The following MAST2 variants were observed in gnomAD, a reference collection of about 807,000 sequenced individuals.
The protein encoded by MAST2 is microtubule-associated serine/threonine-protein kinase 2.
A neutral mutation model predicts 147.4 loss-of-function variants in MAST2; 70 were observed. The ratio of observed to expected loss-of-function variants is 0.47; its 90% confidence interval spans 0.39 to 0.58. The LOEUF is 0.58. MAST2 is among the 20% of genes least tolerant of loss of function. The pLI, the probability that MAST2 is intolerant of heterozygous loss-of-function variation, is 0.00. For synonymous variants in MAST2, 869 were observed against 896.8 expected (o/e 0.97, Z 0.55); for missense variants, 2,080 against 2,302.3 (o/e 0.90, Z 1.98).
chr1:45,911,907 C>T (rs1157103216), intron 4 of MAST2, among the ~76,000 whole-genome samples: 3 of 140,830 alleles, frequency 2.1e-5, no homozygotes, highest in Admixed American at 7.2e-5. Flanking sequence ...ATTATGTAGC[C>T]TGGTCTCGGG....
chr1:45,859,047 G>A (rs1645890501), intron 3 of MAST2, among the ~76,000 whole-genome samples: 1 of 152,170 alleles, frequency 6.6e-6, no homozygotes, highest in Non-Finnish European at 1.5e-5. Flanking sequence ...GTAGCATAAT[G>A]CCTCCAGCTT....
chr1:45,806,927 C>G (rs187680932), intron 1 of MAST2, among the ~76,000 whole-genome samples: 12 of 152,196 alleles, frequency 7.9e-5, no homozygotes, highest in African/African-American at 1.2e-4. Flanking sequence ...AGGCTAGCCT[C>G]GAACTCCTGG....
chr1:45,946,332 A>C (rs1658018453), intron 4 of MAST2, among the ~76,000 whole-genome samples: 1 of 152,148 alleles, frequency 6.6e-6, no homozygotes, highest in Non-Finnish European at 1.5e-5. Flanking sequence ...CCTCATCTTG[A>C]GACTGGGGAT....
chr1:45,847,742 T>A (rs1490266757), intron 3 of MAST2: 2 of 248,032 alleles, frequency 8.1e-6, no homozygotes, highest in Non-Finnish European at 1.6e-5. Flanking sequence ...TTTTTTAAGA[T>A]GAGATTTTGC....
chr1:45,899,307 C>CTTTTTT lies in MAST2; in HGVS notation c.500+16927_500+16932dup, dbSNP rs770069959. On this transcript the variant is annotated intron_variant, in intron 4 of 28. Coordinates refer to ENST00000361297, the MANE Select transcript of MAST2 (RefSeq NM_015112.3). ...GCCAAAAATATTTTTCCTTTCTTTT[C>CTTTTTT]TTTTTTTTTTTTTTTTTTTTAGATT... is the stretch of plus-strand genomic sequence containing the variant. 6.3e-4 allele frequency among the ~76,000 whole-genome samples: 68 copies of CTTTTTT among 107,996 alleles called. 1 individual carries two copies. Among genetic ancestry groups the CTTTTTT allele is most frequent in the African/African-American group, 1.5e-3 (43 of 27,942 alleles). The allele number at this position is 107,996 out of a possible 152,430, so 70.8% of individuals were successfully genotyped here. A position where few individuals can be genotyped will look rare whatever the true frequency, so the allele number is the denominator to read the frequency against.
chr1:45,932,710 G>A (rs6681068), intron 4 of MAST2, among the ~76,000 whole-genome samples: 51,511 of 151,820 alleles, frequency 0.34, 9,110 homozygotes, highest in African/African-American at 0.43. Flanking sequence ...AAATTTAGTG[G>A]ATTTGTCTTA....
intron 5 of MAST2, among the ~76,000 whole-genome samples, chr1:45,966,931 GTCACAGCTCAA>G (rs1284794945): frequency 7.0e-6 from 1 of 143,326 alleles, no homozygotes; most frequent in African/African-American, 2.6e-5. Flanking sequence ...TGGTGGCACA[GTCACAGCTCAA>G]TACAGCCTTG....
chr1:46,019,224 ACTC>A (rs1646083830), intron 10 of MAST2, among the ~76,000 whole-genome samples: 1 of 151,856 alleles, frequency 6.6e-6, no homozygotes, highest in Non-Finnish European at 1.5e-5. Flanking sequence ...TGGTCATATG[ACTC>A]CTCAGCTTTG....
At chr1:45,817,811 G>C (rs1187090224) in intron 1 of MAST2, among the ~76,000 whole-genome samples, 1 of 152,150 alleles carries the variant, frequency 6.6e-6, no homozygotes, top group East Asian at 1.9e-4. Context: ...AGTAATTGTG[G>C]TTTTGGACTG....
At chr1:45,878,274 C>T (rs1173497366) in intron 3 of MAST2, among the ~76,000 whole-genome samples, 1 of 150,212 alleles carries the variant, frequency 6.7e-6, no homozygotes, top group African/African-American at 2.4e-5. Context: ...GAAAATCAAT[C>T]ACTGTAATTT....
At chr1:46,020,672 C>T (rs1306467919) in intron 11 of MAST2, among the ~76,000 whole-genome samples, 1 of 152,120 alleles carries the variant, frequency 6.6e-6, no homozygotes, top group South Asian at 2.1e-4. Flanking sequence ...TTCCCTTGTG[C>T]CCCTTTGAAG....
Position 46,022,076 on chromosome 1 carries a change from C to G in MAST2, c.1417C>G (p.Leu473Val), listed in dbSNP as rs1326199593. Residue 473 changes from leucine to valine, a missense_variant, in exon 12 of 29, where the codon CTA (leucine) becomes GTA (valine). Transcript: ENST00000361297. The stretch of plus-strand genomic sequence containing the variant: ...CCAGCTGGGCCTCACCCGGGATCCC[C>G]TAGAAGGTGAGCATGCTGCCTAGTG... The part of the protein sequence containing the change: ...VSQLGLTRDP[L>V]EEMAQLSSCD... 1 of 1,614,040 alleles carries G rather than the reference C, an allele frequency of 6.2e-7. No individual in the cohort carries two copies.
At chr1:45,970,387 G>A (rs748232467) in intron 5 of MAST2, among the ~76,000 whole-genome samples, 10 of 152,044 alleles carry the variant, frequency 6.6e-5, no homozygotes, top group Non-Finnish European at 1.0e-4. Flanking sequence ...TGCTCCTGCC[G>A]GGCACGGTGG....
intron 4 of MAST2, among the ~76,000 whole-genome samples, chr1:45,949,524 A>G (rs1309213390): frequency 2.0e-5 from 3 of 152,208 alleles, no homozygotes; most frequent in Non-Finnish European, 4.4e-5. Context: ...GAGATCTATC[A>G]TTTCACACCA....
At chr1:45,815,472 A>G (rs1377415179) in intron 1 of MAST2, among the ~76,000 whole-genome samples, 1 of 152,106 alleles carries the variant, frequency 6.6e-6, no homozygotes, top group Admixed American at 6.6e-5. Context: ...GACTGGTCAG[A>G]CTTTCTATCT....
chr1:45,999,355 T>G (rs959107139), intron 6 of MAST2, among the ~76,000 whole-genome samples: 8 of 152,316 alleles, frequency 5.3e-5, no homozygotes, highest in African/African-American at 1.7e-4. Context: ...GTTTGATGCA[T>G]TTGTTTGTCC....
chr1:45,842,342 TA>T (rs1433815850), intron 3 of MAST2, among the ~76,000 whole-genome samples: 1 of 152,218 alleles, frequency 6.6e-6, no homozygotes, highest in African/African-American at 2.4e-5. Context: ...TCAACCATTT[TA>T]AAGTGAACAA....
At chr1:45,818,552 C>T (rs998636236) in intron 1 of MAST2, among the ~76,000 whole-genome samples, 7 of 152,298 alleles carry the variant, frequency 4.6e-5, no homozygotes, top group African/African-American at 9.6e-5. Context: ...TTCACCTTTT[C>T]GATTTGCTTC....
At chr1:45,944,385 C>G (rs980410304) in intron 4 of MAST2, among the ~76,000 whole-genome samples, 2 of 152,170 alleles carry the variant, frequency 1.3e-5, no homozygotes, top group African/African-American at 2.4e-5. Context: ...TTGAAACCAA[C>G]TACTTTAAAT....
Sources: allele counts gnomAD v4.1 joint callset (sites outside exome capture counted in the v4.1 genomes callset), GRCh38; gene constraint gnomAD v4.1.1; transcripts MANE v1.5; gene names NCBI Gene and HGNC (gene_info 2026-07-23, HGNC 2026-07-21).